The following FBXO31 variants were observed in gnomAD, a reference collection of about 807,000 sequenced individuals.
The protein encoded by FBXO31 is F-box only protein 31.
FBXO31 carries 24 observed loss-of-function variants against 54.4 expected under a neutral mutation model. The observed-to-expected ratio is 0.44, with a 90% CI of 0.32 to 0.62. The LOEUF (loss-of-function observed/expected upper bound fraction) is 0.62, where lower values mean the gene tolerates loss of function less well. Ranked by LOEUF, FBXO31 falls within the 20% of genes least tolerant of loss-of-function variation. The pLI, the probability that FBXO31 is intolerant of heterozygous loss-of-function variation, is 0.05. For missense variants in FBXO31, 665 were observed against 787.1 expected (o/e 0.84, Z 1.86); for synonymous variants, 388 against 335.6 (o/e 1.16, Z -1.71).
chr16:87,362,314 T>A (rs1477617676), intron 1 of FBXO31, among the ~76,000 whole-genome samples: 1 of 152,246 alleles, frequency 6.6e-6, no homozygotes, highest in Non-Finnish European at 1.5e-5. Flanking sequence ...ATCTTTTTTT[T>A]TTTAGAGATA....
intron 1 of FBXO31, among the ~76,000 whole-genome samples, chr16:87,362,073 TGAG>T (rs1171809776): frequency 6.8e-6 from 1 of 147,794 alleles, no homozygotes; most frequent in African/African-American, 2.7e-5. Flanking sequence ...AAAACAGGAA[TGAG>T]AAGAGTGAGT....
In FBXO31 at chr16:87,334,156, C is replaced by G; in HGVS notation, c.1127G>C (p.Arg376Thr). ...LSRIVLEVRE[R>T]VRQEQQEGGH... ...GCCTTCCTGCTGCTCCTGGCGCACC[C>G]TCTCGCGCACCTCCAGGACGATGCG... Residue 376 changes from arginine to threonine, a missense_variant, in exon 8 of 9, where the codon AGG (arginine) becomes ACG (threonine). Physicochemically the swap from Arg to Thr is moderately conservative, Grantham distance 71 (BLOSUM62 -1). Coordinates refer to ENST00000311635, the MANE Select transcript of FBXO31 (RefSeq NM_024735.5). 1 of 1,612,614 alleles carries G rather than the reference C, an allele frequency of 6.2e-7. No individual in the cohort carries two copies. The highest frequency in any genetic ancestry group is 8.5e-7 in the Non-Finnish European group (1 of 1,179,624).
chr16:87,365,461 G>C (rs930157154), intron 1 of FBXO31, among the ~76,000 whole-genome samples: 4 of 152,206 alleles, frequency 2.6e-5, no homozygotes, highest in Non-Finnish European at 5.9e-5. Context: ...TGATGCTCAG[G>C]TGAGACTTCA....
intron 2 of FBXO31, 38 bp from the exon 3 acceptor site, chr16:87,347,288 C>G (rs771416961): frequency 1.0e-5 from 16 of 1,592,386 alleles, no homozygotes; most frequent in Non-Finnish European, 1.3e-5. Flanking sequence ...CTGTGTTAGA[C>G]CCAGCGTGCC....
chr16:87,349,455 G>A (rs1227573739), intron 2 of FBXO31, among the ~76,000 whole-genome samples: 1 of 152,182 alleles, frequency 6.6e-6, no homozygotes, highest in East Asian at 1.9e-4. Flanking sequence ...GGTGGCTCAC[G>A]CCTGTAATCC....
Position 87,345,898 on chromosome 16 carries a change from C to G in FBXO31, c.489+1276G>C, listed in dbSNP as rs71390888. Among the ~76,000 whole-genome samples the G allele has an allele frequency of 0.033, 4,968 of 152,292 alleles. 106 individuals carry two copies. The highest frequency in any genetic ancestry group is 0.056 in the African/African-American group (2,312 of 41,562). On this transcript the variant is annotated intron_variant, in intron 3 of 8. Transcript: ENST00000311635. The surrounding 1 kb of genome is among the most constrained non-coding windows in gnomAD (Gnocchi z 4.9). ...AGGTCTACACAGGAGCCAGGACTACCGCCGCCAAACGCCAAAGATGGCAAC... is the reference window on the plus strand; with the variant it reads ...AGGTCTACACAGGAGCCAGGACTACGGCCGCCAAACGCCAAAGATGGCAAC...
chr16:87,384,044 C>G (rs765572252), upstream of FBXO31: 2 of 180,544 alleles, frequency 1.1e-5, no homozygotes, highest in Admixed American at 6.2e-5. Context: ...GGCTCGAACT[C>G]ACGACCTTCA....
chr16:87,351,844 G>C (rs555322572), intron 2 of FBXO31, among the ~76,000 whole-genome samples: 2 of 152,224 alleles, frequency 1.3e-5, no homozygotes, highest in African/African-American at 4.8e-5. Flanking sequence ...ACTCCAGCCT[G>C]GGCGACAGAC....
In FBXO31 at chr16:87,335,157, T is replaced by C; in HGVS notation, c.996+147A>G. 1 of 1,163,120 alleles carries C rather than the reference T, an allele frequency of 8.6e-7. No homozygotes were observed. Among genetic ancestry groups the C allele is most frequent in the South Asian group, 1.4e-5 (1 of 72,622 alleles). The allele number at this position is 1,163,120 out of a possible 1,614,324, so 72.0% of individuals were successfully genotyped here. On this transcript the variant is annotated intron_variant, in intron 7 of 8. Transcript: ENST00000311635. The surrounding 1 kb of genome is among the most constrained non-coding windows in gnomAD (Gnocchi z 5.7). Reference sequence around the variant, plus strand: ...GGCTGGCTGGGGCCCGAGAATCTGCTTTCCCAAGCTCCCGGGGCTGCAGGT... The same window carrying C: ...GGCTGGCTGGGGCCCGAGAATCTGCCTTCCCAAGCTCCCGGGGCTGCAGGT...
intron 5 of FBXO31, among the ~76,000 whole-genome samples, chr16:87,340,019 G>A (rs766997503): frequency 1.7e-4 from 26 of 152,088 alleles, no homozygotes; most frequent in Admixed American, 2.6e-4. Flanking sequence ...GCGGTGGCTC[G>A]CGCCTGTAAT....
chr16:87,365,863 A>G (rs188938563), intron 1 of FBXO31, among the ~76,000 whole-genome samples: 100 of 152,240 alleles, frequency 6.6e-4, no homozygotes, highest in African/African-American at 2.2e-3. Flanking sequence ...CCCGGTCTCT[A>G]TTGAAAATAC....
chr16:87,385,374 T>A (rs965353543), upstream of FBXO31, among the ~76,000 whole-genome samples: 3 of 150,612 alleles, frequency 2.0e-5, no homozygotes, highest in African/African-American at 7.3e-5. Flanking sequence ...AGGAGAATGG[T>A]GTGAACCCGG....
chr16:87,354,480 A>T (rs1313245549), intron 2 of FBXO31, among the ~76,000 whole-genome samples: 1 of 151,418 alleles, frequency 6.6e-6, no homozygotes, highest in Non-Finnish European at 1.5e-5. Context: ...AAAAAAAAAA[A>T]CCCAAAAATG....
intron 2 of FBXO31, among the ~76,000 whole-genome samples, chr16:87,351,257 T>A (rs1378681690): frequency 6.6e-6 from 1 of 152,216 alleles, no homozygotes; most frequent in Non-Finnish European, 1.5e-5. Flanking sequence ...TAAGCTCCCA[T>A]TCAAACGGTC....
intron 1 of FBXO31, among the ~76,000 whole-genome samples, chr16:87,378,992 T>C (rs937496431): frequency 2.0e-5 from 3 of 151,122 alleles, no homozygotes; most frequent in African/African-American, 4.9e-5. Flanking sequence ...TATATAGATA[T>C]AGACATAGAT....
chr16:87,339,341 G>C (rs1905122689), intron 5 of FBXO31, among the ~76,000 whole-genome samples: 1 of 152,144 alleles, frequency 6.6e-6, no homozygotes, highest in South Asian at 2.1e-4. Flanking sequence ...TTAGTGGAGA[G>C]GAGCTCCCAG....
intron 2 of FBXO31, 115 bp from the exon 3 acceptor site, chr16:87,347,365 C>T: frequency 1.2e-6 from 1 of 851,870 alleles, no homozygotes; most frequent in South Asian, 1.3e-5. Context: ...CTTGCAAGAG[C>T]CCTCCAAACA....
intron 2 of FBXO31, among the ~76,000 whole-genome samples, chr16:87,349,452 C>T (rs1262628872): frequency 2.0e-5 from 3 of 152,194 alleles, no homozygotes; most frequent in Non-Finnish European, 1.5e-5. Flanking sequence ...CATGGTGGCT[C>T]ACGCCTGTAA....
intron 2 of FBXO31, among the ~76,000 whole-genome samples, chr16:87,355,058 A>G (rs948984206): frequency 6.6e-6 from 1 of 151,612 alleles, no homozygotes; most frequent in African/African-American, 2.4e-5. Flanking sequence ...ACAGTCCTAC[A>G]CTCAGGGATG....
Sources: allele counts gnomAD v4.1 joint callset (sites outside exome capture counted in the v4.1 genomes callset), GRCh38; gene constraint gnomAD v4.1.1; non-coding constraint Gnocchi (gnomAD v3.1); transcripts MANE v1.5; gene names NCBI Gene and HGNC (gene_info 2026-07-23, HGNC 2026-07-21).